Variants in RUBCN observed in about 807,000 individuals in gnomAD.
The protein encoded by RUBCN is rubicon autophagy regulator.
Under a neutral mutation model 113.2 loss-of-function variants are expected in RUBCN, and 74 were observed. The observed-to-expected ratio is 0.65, with a 90% CI of 0.54 to 0.79. The LOEUF is 0.79. Among genes scored for constraint, RUBCN ranks in the 30% least tolerant of loss-of-function variants. The pLI, the probability that RUBCN is intolerant of heterozygous loss-of-function variation, is 0.00. For synonymous variants in RUBCN, 480 were observed against 490.0 expected (o/e 0.98, Z 0.27); for missense variants, 1,109 against 1,251.7 (o/e 0.89, Z 1.72).
At chr3:197,743,165 T>C (rs1728596749) in intron 1 of RUBCN, among the ~76,000 whole-genome samples, 1 of 152,090 alleles carries the variant, frequency 6.6e-6, no homozygotes, top group Non-Finnish European at 1.5e-5. Context: ...AGCTCTTGAG[T>C]TTCTTAAGGG....
chr3:197,736,946 T>C (rs1728222521), upstream of RUBCN: 1 of 1,328,734 alleles, frequency 7.5e-7, no homozygotes, highest in Non-Finnish European at 9.6e-7. Context: ...CGGCGAGCAC[T>C]CCGAGGCTAG....
At chr3:197,747,943 T>C (rs1005064580) in intron 1 of RUBCN, among the ~76,000 whole-genome samples, 12 of 151,428 alleles carry the variant, frequency 7.9e-5, no homozygotes, top group African/African-American at 2.7e-4. Context: ...TTTTTTTTTT[T>C]TTATTTGAGA....
At chr3:197,691,239 T>C in intron 11 of RUBCN, 1 of 691,906 alleles carries the variant, frequency 1.4e-6, no homozygotes, top group Non-Finnish European at 2.2e-6. Context: ...AATCAAAACT[T>C]GCCATTTGCT....
At chr3:197,687,634 G>A (rs931020300) in intron 11 of RUBCN, among the ~76,000 whole-genome samples, 4 of 152,230 alleles carry the variant, frequency 2.6e-5, no homozygotes, top group Non-Finnish European at 5.9e-5. Context: ...AGAGTGCCAT[G>A]AGTGACGCCC....
At chr3:197,701,910 A>G in intron 5 of RUBCN, 46 bp from the exon 6 acceptor site, 1 of 1,594,466 alleles carries the variant, frequency 6.3e-7, no homozygotes, top group Admixed American at 1.7e-5. Context: ...GTTAAGGACA[A>G]AGGGCCTCAG....
At chr3:197,680,041 C>T (rs1721020238) in intron 16 of RUBCN, among the ~76,000 whole-genome samples, 2 of 150,732 alleles carry the variant, frequency 1.3e-5, no homozygotes, top group Admixed American at 6.6e-5. Context: ...CTGTCCTACG[C>T]TCTGACAACT....
At chr3:197,737,067 C>T, upstream of RUBCN, 1 of 525,004 alleles carries the variant, frequency 1.9e-6, no homozygotes, top group Non-Finnish European at 2.7e-6. Context: ...GCCGCTCCCG[C>T]AGGCCGCGCC....
At chr3:197,738,012 C>T (rs577746593), upstream of RUBCN, among the ~76,000 whole-genome samples, 8 of 152,292 alleles carry the variant, frequency 5.3e-5, no homozygotes, top group African/African-American at 1.9e-4. Flanking sequence ...CCTCAGCCTC[C>T]TGAATAGCTG....
chr3:197,713,552 A>AT (rs1560451115), intron 2 of RUBCN, among the ~76,000 whole-genome samples: 1 of 152,168 alleles, frequency 6.6e-6, no homozygotes, highest in Non-Finnish European at 1.5e-5. Flanking sequence ...ATGAGAGAAC[A>AT]TAAGTTTAGT....
chr3:197,737,283 A>G (rs1454356286), upstream of RUBCN: 2 of 151,320 alleles, frequency 1.3e-5, no homozygotes, highest in Non-Finnish European at 2.9e-5. Context: ...GATTAACCCC[A>G]CTCAGCCCGC....
rs567407384 is a variant in RUBCN, at chr3:197,674,944, C to T, written c.*74G>A. 9 of 1,288,358 alleles carry T rather than the reference C, an allele frequency of 7.0e-6. No homozygotes were observed. Among genetic ancestry groups the T allele is most frequent in the Middle Eastern group, 2.7e-4 (1 of 3,712 alleles). 79.8% of individuals were successfully genotyped at this position (1,288,358 alleles called of 1,614,324 possible). A position where few individuals can be genotyped will look rare whatever the true frequency, so the allele number is the denominator to read the frequency against. The stretch of plus-strand genomic sequence containing the variant: ...AAAAAAAAAGAAGCCCCAGGTGGGG[C>T]GAGTCCTTCAAAGAGTGGCTCAGTT... On this transcript the variant is annotated 3_prime_UTR_variant, in exon 20 of 20. Transcript: ENST00000296343.
intron 2 of RUBCN, among the ~76,000 whole-genome samples, chr3:197,717,182 C>T (rs1725614757): frequency 6.6e-6 from 1 of 150,840 alleles, no homozygotes; most frequent in African/African-American, 2.4e-5. Flanking sequence ...CGCCTGTAAT[C>T]CCAGCACTTT....
In RUBCN at chr3:197,720,775, G is replaced by A. The variant is rs530784269; in HGVS notation, c.66-2645C>T. Among the ~76,000 whole-genome samples, 4 of 152,240 alleles carry A rather than the reference G, an allele frequency of 2.6e-5. No individual in the cohort carries two copies. The East Asian group carries it at 7.7e-4, about 29-fold the overall frequency. ...ATAGCACTGCAATAAATAGAGGAGTGCAGGTATCGCTTTGATACACCGATT... is the reference window on the plus strand; with the variant it reads ...ATAGCACTGCAATAAATAGAGGAGTACAGGTATCGCTTTGATACACCGATT... On this transcript the variant is annotated intron_variant, in intron 1 of 19. Coordinates refer to ENST00000296343, the MANE Select transcript of RUBCN (RefSeq NM_014687.4).
At chr3:197,711,695 A>G (rs186704470) in intron 2 of RUBCN, among the ~76,000 whole-genome samples, 1 of 152,078 alleles carries the variant, frequency 6.6e-6, no homozygotes, top group Non-Finnish European at 1.5e-5. Flanking sequence ...AAAAAAAAAA[A>G]TTCTCTGTAA....
At position 197,674,917 on chromosome 3, in the gene RUBCN, A is replaced by C. The variant is rs2108826526; in HGVS notation, c.*101T>G. The C allele has an allele frequency of 9.9e-7, 1 of 1,007,104 alleles. No homozygotes were observed. Among genetic ancestry groups the C allele is most frequent in the Non-Finnish European group, 1.4e-6 (1 of 719,054 alleles). 62.4% of individuals were successfully genotyped at this position (1,007,104 alleles called of 1,614,324 possible). On this transcript the variant is annotated 3_prime_UTR_variant, in exon 20 of 20. Transcript: ENST00000296343. ...AAAAGATGATGATAATTAAAAAAAA[A>C]AAAAAAAAAAGAAGCCCCAGGTGGG...
Position 197,674,388 on chromosome 3 carries a change from C to T in RUBCN, c.*630G>A, listed in dbSNP as rs767325604. 1.2e-4 allele frequency: 32 copies of T among 256,476 alleles called. No homozygotes were observed. The highest frequency in any genetic ancestry group is 2.1e-4 in the Non-Finnish European group (24 of 114,084). The allele number at this position is 256,476 out of a possible 1,614,324, so 15.9% of individuals were successfully genotyped here. ...TTCAAATATTTCAAACAGGAACTCC[C>T]GGCAACATAGGGACATTCACAGCTG... On this transcript the variant is annotated 3_prime_UTR_variant, in exon 20 of 20. Coordinates refer to ENST00000296343, the MANE Select transcript of RUBCN (RefSeq NM_014687.4).
chr3:197,717,259 C>T (rs895998504), intron 2 of RUBCN, among the ~76,000 whole-genome samples: 8 of 151,862 alleles, frequency 5.3e-5, no homozygotes, highest in South Asian at 2.1e-4. Flanking sequence ...CTGGCTAACA[C>T]GGTGAAACCC....
In RUBCN at chr3:197,701,692, T is replaced by C; in HGVS notation, c.727+16A>G. 6.2e-7 allele frequency: 1 copy of C among 1,613,166 alleles called. No individual in the cohort carries two copies. Among genetic ancestry groups the C allele is most frequent in the Non-Finnish European group, 8.5e-7 (1 of 1,179,094 alleles). On this transcript the variant is annotated intron_variant, in intron 6 of 19. Coordinates refer to ENST00000296343, the MANE Select transcript of RUBCN (RefSeq NM_014687.4). ...CTGGGGATAAATGTAATGACCACTT[T>C]TTCCTGTCCCCATACCTGAGCCATT...
chr3:197,739,484 G>C (rs1580417501), upstream of RUBCN, among the ~76,000 whole-genome samples: 1 of 150,986 alleles, frequency 6.6e-6, no homozygotes, highest in Non-Finnish European at 1.5e-5. Context: ...ACGAGGTCAG[G>C]AGATGGAGAC....
Sources: gnomAD v4.1 joint callset for allele counts (sites outside exome capture counted in the v4.1 genomes callset) on GRCh38, gnomAD v4.1.1 for gene constraint, MANE v1.5 for transcripts, NCBI Gene and HGNC (gene_info 2026-07-23, HGNC 2026-07-21) for gene names.